FAM234B: variants seen among roughly 807,000 people sequenced by gnomAD.
The protein encoded by FAM234B is family with sequence similarity 234 member B, also known as protein FAM234B.
FAM234B carries 33 observed loss-of-function variants against 69.3 expected under a neutral mutation model. The ratio of observed to expected loss-of-function variants is 0.48; its 90% CI spans 0.36 to 0.64. FAM234B has a LOEUF of 0.64. Among genes scored for constraint, FAM234B ranks in the 30% least tolerant of loss-of-function variants. The probability of loss-of-function intolerance (pLI) is 0.00; values close to 1 mark genes in which losing one functional copy is unlikely to be tolerated. For missense variants in FAM234B, 697 were observed against 769.7 expected (o/e 0.91, Z 1.12); for synonymous variants, 306 against 306.9 (o/e 1.00, Z 0.03).
chr12:13,050,134 T>G (rs1483530029), intron 1 of FAM234B, among the ~76,000 whole-genome samples: 1 of 152,198 alleles, frequency 6.6e-6, no homozygotes, highest in Non-Finnish European at 1.5e-5. Flanking sequence ...AGTTATCAAT[T>G]TATTGCATCT....
intron 9 of FAM234B, among the ~76,000 whole-genome samples, chr12:13,069,742 G>T (rs1865082622): frequency 1.3e-5 from 2 of 152,178 alleles, no homozygotes; most frequent in Admixed American, 1.3e-4. Context: ...TGAGAATGAG[G>T]TCGGCTTACA....
Position 13,079,976 on chromosome 12 carries a change from C to G in FAM234B, c.1830C>G (p.Leu610=). 1.9e-6 allele frequency: 3 copies of G among 1,609,508 alleles called. No homozygotes were observed. The highest frequency in any genetic ancestry group is 1.7e-4 in the Middle Eastern group (1 of 6,006). The change falls in exon 12 of 13, where the codon CTC becomes CTG. Residue 610 remains leucine (L), a synonymous_variant. Coordinates refer to ENST00000197268, the MANE Select transcript of FAM234B (RefSeq NM_020853.2). ...GCCGTGGGGAGCTGCGAAGATTTCT[C>G]TCTAGGATAAAGTTTGTTGAAGCTC... The part of the protein sequence containing the change: ...KIGRGELRRF[L]SRIKFVEAPY...
Position 13,079,786 on chromosome 12 carries a change from C to T in FAM234B, c.1643-3C>T. On this transcript the variant is annotated splice_region_variant and splice_polypyrimidine_tract_variant and intron_variant, in intron 11 of 12. Transcript: ENST00000197268. ...AACTGCTCTTGTTTTTGTCCTTCCT[C>T]AGTTGGAATTAACGACCTCTGGAAA... The T allele has an allele frequency of 6.2e-7, 1 of 1,603,040 alleles. No individual in the cohort carries two copies. The highest frequency in any genetic ancestry group is 8.5e-7 in the Non-Finnish European group (1 of 1,170,632).
intron 7 of FAM234B, 30 bp from the exon 8 acceptor site, chr12:13,068,274 G>A (rs1412572701): frequency 6.2e-7 from 1 of 1,613,836 alleles, no homozygotes; most frequent in East Asian, 2.2e-5. Context: ...CCAAGCCAGA[G>A]ACTAACCGTT....
intron 5 of FAM234B, among the ~76,000 whole-genome samples, chr12:13,064,458 G>A (rs1171815151): frequency 1.3e-5 from 2 of 152,138 alleles, no homozygotes; most frequent in South Asian, 2.1e-4. Context: ...CCGTCTGGCC[G>A]CTTATTAGCT....
rs1318484228 is a variant in FAM234B, at chr12:13,044,495, G to A, written c.37+55G>A. 3.2e-6 allele frequency: 5 copies of A among 1,540,668 alleles called. No individual in the cohort carries two copies. Among genetic ancestry groups the A allele is most frequent in the Non-Finnish European group, 4.4e-6 (5 of 1,138,084 alleles). On this transcript the variant is annotated intron_variant, in intron 1 of 12. Transcript: ENST00000197268. The surrounding 1 kb of genome is among the most constrained non-coding windows in gnomAD (Gnocchi z 5.6). The stretch of plus-strand genomic sequence containing the variant: ...GTCCCCGCCGGTGTTGGAATAAGGG[G>A]AGGCGAGGCTCTGGGGGCGAGGCCG...
intron 3 of FAM234B, among the ~76,000 whole-genome samples, chr12:13,060,594 T>C (rs1345084627): frequency 1.3e-5 from 2 of 152,346 alleles, no homozygotes; most frequent in East Asian, 1.9e-4. Context: ...GTTTGTCATA[T>C]ATATCTTCTG....
intron 8 of FAM234B, 43 bp downstream of exon 8, chr12:13,068,490 T>A (rs766342466): frequency 1.2e-6 from 2 of 1,606,138 alleles, no homozygotes; most frequent in Admixed American, 3.4e-5. Flanking sequence ...TTTGATCCAC[T>A]TTCCCATGTT....
chr12:13,048,348 C>G (rs903463289), intron 1 of FAM234B, among the ~76,000 whole-genome samples: 10 of 152,146 alleles, frequency 6.6e-5, no homozygotes, highest in African/African-American at 2.4e-4. Context: ...CCTTCTTTGT[C>G]CTTGAAGTCC....
chr12:13,071,824 AG>A (rs1391046201), intron 10 of FAM234B, among the ~76,000 whole-genome samples: 2 of 151,966 alleles, frequency 1.3e-5, no homozygotes, highest in Non-Finnish European at 2.9e-5. Context: ...GGGATGGGGG[AG>A]GGTGGCCAGC....
Position 13,071,266 on chromosome 12 carries a change from G to C in FAM234B, c.1394G>C (p.Gly465Ala), listed in dbSNP as rs1266607578. The C allele has an allele frequency of 1.2e-6, 2 of 1,614,020 alleles. No individual in the cohort carries two copies. Among genetic ancestry groups the C allele is most frequent in the South Asian group, 2.2e-5 (2 of 91,084 alleles). The change falls in exon 10 of 13, where the codon GGC becomes GCC. Residue 465 changes from glycine to alanine, a missense_variant. Around this residue, in one of 3 missense-constraint regions of FAM234B, gnomAD observed 313 missense variants for 305.5 expected, o/e 1.02. Coordinates refer to ENST00000197268, the MANE Select transcript of FAM234B (RefSeq NM_020853.2). ...ATGATGGTTGTGGATGGTGACTCTGGCTCCATTGTTTGGAGTTACCGTGCT... is the reference window on the plus strand; with the variant it reads ...ATGATGGTTGTGGATGGTGACTCTGCCTCCATTGTTTGGAGTTACCGTGCT... ...KKMMVVDGDS[G>A]SIVWSYRAPC...
chr12:13,069,119 T>C (rs529512915), intron 9 of FAM234B, among the ~76,000 whole-genome samples: 55 of 152,322 alleles, frequency 3.6e-4, no homozygotes, highest in African/African-American at 1.3e-3. Context: ...TAAGCAGCTT[T>C]TTAAAGCTGA....
In FAM234B at chr12:13,080,505, A is replaced by C. The variant is rs866450634; in HGVS notation, c.1864-120A>C. ...TGGAAGGAGGAAATGTTTACAGACTATTGGAGCTAAAGAAAAGGACGGGAA... is the reference window on the plus strand; with the variant it reads ...TGGAAGGAGGAAATGTTTACAGACTCTTGGAGCTAAAGAAAAGGACGGGAA... On this transcript the variant is annotated intron_variant, in intron 12 of 12. Transcript: ENST00000197268. The C allele has an allele frequency of 1.1e-5, 8 of 761,158 alleles. 1 individual carries two copies. The Middle Eastern group carries it at 1.9e-3, about 176-fold the overall frequency. 47.2% of individuals were successfully genotyped at this position (761,158 alleles called of 1,614,324 possible).
chr12:13,044,474 C>T lies in FAM234B; in HGVS notation c.37+34C>T. 1 of 1,549,862 alleles carries T rather than the reference C, an allele frequency of 6.5e-7. No homozygotes were observed. Among genetic ancestry groups the T allele is most frequent in the Non-Finnish European group, 8.7e-7 (1 of 1,145,916 alleles). ...TCGCATGCTTGCGACCACCCAGTCC[C>T]CGCCGGTGTTGGAATAAGGGGAGGC... On this transcript the variant is annotated intron_variant, in intron 1 of 12. Transcript: ENST00000197268. This position sits in a 1 kb window ranked among gnomAD's most constrained non-coding sequence, Gnocchi z 5.6.
At position 13,071,278 on chromosome 12, in the gene FAM234B, G is replaced by A. The variant is rs1419383684; in HGVS notation, c.1406G>A (p.Trp469Ter). ...VVDGDSGSIV[W>*]SYRAPCHMKE... ...GATGGTGACTCTGGCTCCATTGTTTGGAGTTACCGTGCTCCGTGTCACATG... is the reference window on the plus strand; with the variant it reads ...GATGGTGACTCTGGCTCCATTGTTTAGAGTTACCGTGCTCCGTGTCACATG... The change falls in exon 10 of 13, where the codon TGG becomes TAG. Residue 469 changes from tryptophan (W) to a stop codon, truncating the protein, a stop_gained. Transcript: ENST00000197268. LOFTEE classifies it high-confidence loss of function. 6.2e-7 allele frequency: 1 copy of A among 1,614,112 alleles called. No homozygotes were observed. Among genetic ancestry groups the A allele is most frequent in the Non-Finnish European group, 8.5e-7 (1 of 1,180,020 alleles).
intron 3 of FAM234B, among the ~76,000 whole-genome samples, chr12:13,060,990 T>A (rs1239183486): frequency 6.6e-6 from 1 of 152,236 alleles, no homozygotes; most frequent in African/African-American, 2.4e-5. Flanking sequence ...CCACTCATCA[T>A]TGCTATATGT....
chr12:13,067,058 C>A lies in FAM234B; in HGVS notation c.1001-97C>A. On this transcript the variant is annotated intron_variant, in intron 6 of 12. Transcript: ENST00000197268. The surrounding 1 kb of genome is among the most constrained non-coding windows in gnomAD (Gnocchi z 4.7). ...TCCAGTCTGGGCGGGCTCTGTTAGA[C>A]CCATCTGGTCAGGCTCTGTGTCTCT... is the stretch of plus-strand genomic sequence containing the variant. The A allele has an allele frequency of 7.0e-7, 1 of 1,428,652 alleles. No individual in the cohort carries two copies. The highest frequency in any genetic ancestry group is 2.3e-4 in the Middle Eastern group (1 of 4,342). 88.5% of individuals were successfully genotyped at this position (1,428,652 alleles called of 1,614,324 possible). A position where few individuals can be genotyped will look rare whatever the true frequency, so the allele number is the denominator to read the frequency against.
intron 1 of FAM234B, among the ~76,000 whole-genome samples, chr12:13,052,968 A>G (rs959449642): frequency 4.6e-5 from 7 of 152,194 alleles, no homozygotes; most frequent in African/African-American, 1.7e-4. Context: ...TGGTTAGGGA[A>G]TGGTGTGCCC....
intron 5 of FAM234B, among the ~76,000 whole-genome samples, 162 bp downstream of exon 5, chr12:13,063,137 A>G (rs3825271): frequency 0.062 from 9,407 of 152,228 alleles, 629 homozygotes; most frequent in East Asian, 0.27. Context: ...ATACTTGACC[A>G]TTATGAACCC....
Sources: gnomAD v4.1 joint callset for allele counts (sites outside exome capture counted in the v4.1 genomes callset) on GRCh38, gnomAD v4.1.1 for gene constraint, gnomAD v4.1.1 regional missense constraint, Gnocchi (gnomAD v3.1) non-coding constraint, MANE v1.5 for transcripts, NCBI Gene and HGNC (gene_info 2026-07-23, HGNC 2026-07-21) for gene names.